The following SASH1 variants were observed in gnomAD, a reference collection of about 807,000 sequenced individuals.
SASH1 encodes SAM and SH3 domain containing 1.
In SASH1, 44 loss-of-function variants were observed where a neutral mutation model predicts 125.2. That is an observed-to-expected ratio of 0.35 (90% CI 0.28 to 0.45). The LOEUF (loss-of-function observed/expected upper bound fraction) is 0.45. Ranked by LOEUF, SASH1 falls within the 20% of genes least tolerant of loss-of-function variation. The pLI is 1.00. For synonymous variants in SASH1, 639 were observed against 649.1 expected, an observed-to-expected ratio of 0.98 and a Z score of 0.24; for missense variants, 1,426 against 1,614.5, an observed-to-expected ratio of 0.88 and a Z score of 2.00.
At chr6:148,509,726 C>G (rs1264626402) in intron 8 of SASH1, among the ~76,000 whole-genome samples, 1 of 152,230 alleles carries the variant, frequency 6.6e-6, no homozygotes, top group Admixed American at 6.5e-5. Flanking sequence ...CCAGCAGTGA[C>G]AGGTTTACTT....
intron 1 of SASH1, among the ~76,000 whole-genome samples, chr6:148,369,918 C>T (rs962767403): frequency 1.2e-4 from 16 of 136,880 alleles, no homozygotes; most frequent in Middle Eastern, 4.2e-3. Context: ...CATGCCACTG[C>T]ACTCCAGTCT....
At chr6:148,497,456 A>G (rs1021474881) in intron 8 of SASH1, among the ~76,000 whole-genome samples, 1 of 152,350 alleles carries the variant, frequency 6.6e-6, no homozygotes, top group Middle Eastern at 3.4e-3. Flanking sequence ...CGTGGGCAAG[A>G]GAGGAGACTG....
intron 1 of SASH1, among the ~76,000 whole-genome samples, chr6:148,327,287 CTTTT>C (rs757257278): frequency 7.1e-6 from 1 of 140,942 alleles, no homozygotes; most frequent in East Asian, 2.1e-4. Context: ...ATATAAATTT[CTTTT>C]TTTTTTTTTT....
chr6:148,534,211 T>G (rs991141754), intron 15 of SASH1, among the ~76,000 whole-genome samples: 1 of 152,032 alleles, frequency 6.6e-6, no homozygotes, highest in Non-Finnish European at 1.5e-5. Context: ...AAGCCCCGGG[T>G]CAAACCTTGC....
chr6:148,249,983 T>C, the SASH1 span, among the ~76,000 whole-genome samples: 1 of 152,212 alleles, frequency 6.6e-6, no homozygotes, highest in East Asian at 1.9e-4. Context: ...TTGATAAATA[T>C]TTGTTAAGTG....
chr6:148,511,366 CA>C (rs879652930), intron 8 of SASH1, among the ~76,000 whole-genome samples: 6 of 148,950 alleles, frequency 4.0e-5, no homozygotes, highest in Non-Finnish European at 7.4e-5. Context: ...CACACACACA[CA>C]CACACACCTT....
chr6:148,521,943 T>G (rs1780838381), intron 10 of SASH1, among the ~76,000 whole-genome samples: 1 of 152,238 alleles, frequency 6.6e-6, no homozygotes. Flanking sequence ...GTGCCTCTCA[T>G]GTTATTTACT....
chr6:148,359,949 G>A (rs1368032790), intron 1 of SASH1, among the ~76,000 whole-genome samples: 2 of 152,054 alleles, frequency 1.3e-5, no homozygotes, highest in Admixed American at 6.6e-5. Context: ...TAGTAGAGAC[G>A]GGGTTTCACC....
At chr6:148,393,041 A>T (rs1455551488) in intron 2 of SASH1, among the ~76,000 whole-genome samples, 3 of 78,120 alleles carry the variant, frequency 3.8e-5, no homozygotes, top group African/African-American at 5.6e-5. Context: ...GAATGTTTCA[A>T]TTTTTTTTTT....
intron 1 of SASH1, among the ~76,000 whole-genome samples, chr6:148,299,122 C>A (rs1426509040): frequency 6.6e-6 from 1 of 152,102 alleles, no homozygotes; most frequent in Non-Finnish European, 1.5e-5. Context: ...CCTACTGAGC[C>A]CTCACTCTAT....
intron 1 of SASH1, among the ~76,000 whole-genome samples, chr6:148,280,772 C>T (rs1432033495): frequency 6.6e-6 from 1 of 152,170 alleles, no homozygotes; most frequent in Non-Finnish European, 1.5e-5. Flanking sequence ...GGCACCACTG[C>T]ACTCCAGCCT....
At chr6:148,462,548 TA>T (rs1306652733) in intron 4 of SASH1, among the ~76,000 whole-genome samples, 1 of 152,098 alleles carries the variant, frequency 6.6e-6, no homozygotes, top group Admixed American at 6.5e-5. Flanking sequence ...TAGAAGCAGA[TA>T]GGGGGGTCTT....
At chr6:148,395,533 T>G (rs1341936388) in intron 2 of SASH1, among the ~76,000 whole-genome samples, 4 of 152,152 alleles carry the variant, frequency 2.6e-5, no homozygotes, top group Non-Finnish European at 5.9e-5. Flanking sequence ...AGAGTACAGA[T>G]GGGTAAAAAT....
At chr6:148,424,624 GC>G (rs1775727986) in intron 2 of SASH1, among the ~76,000 whole-genome samples, 1 of 152,098 alleles carries the variant, frequency 6.6e-6, no homozygotes, top group South Asian at 2.1e-4. Flanking sequence ...TCCTGCCTGG[GC>G]CTCCCAAAGC....
chr6:148,263,243 A>G, the SASH1 span, among the ~76,000 whole-genome samples: 3 of 152,298 alleles, frequency 2.0e-5, no homozygotes, highest in East Asian at 5.8e-4. Flanking sequence ...TGGCAGGACA[A>G]GTTTCATGTT....
intron 4 of SASH1, among the ~76,000 whole-genome samples, chr6:148,451,121 C>T (rs1777081230): frequency 6.6e-6 from 1 of 152,220 alleles, no homozygotes; most frequent in South Asian, 2.1e-4. Flanking sequence ...AGGCTGAGAG[C>T]TCACTCTTCT....
the SASH1 span, among the ~76,000 whole-genome samples, chr6:148,226,177 A>G: frequency 6.6e-6 from 1 of 152,216 alleles, no homozygotes; most frequent in Non-Finnish European, 1.5e-5. Flanking sequence ...GATTTTTTTT[A>G]TTAAAGAACT....
At chr6:148,242,350 C>T in the SASH1 span, among the ~76,000 whole-genome samples, 1 of 152,214 alleles carries the variant, frequency 6.6e-6, no homozygotes, top group Non-Finnish European at 1.5e-5. Context: ...AGGCAAAGTT[C>T]CATTTTTTCT....
intron 1 of SASH1, among the ~76,000 whole-genome samples, chr6:148,277,526 C>T (rs563278747): frequency 5.5e-4 from 83 of 152,226 alleles, no homozygotes; most frequent in Non-Finnish European, 1.0e-3. Flanking sequence ...AACACTGCAG[C>T]GTCAGAAGGA....
Sources: allele counts gnomAD v4.1 joint callset (sites outside exome capture counted in the v4.1 genomes callset), GRCh38; gene constraint gnomAD v4.1.1; transcripts MANE v1.5; gene names NCBI Gene and HGNC (gene_info 2026-07-23, HGNC 2026-07-21).